CDK19: variants seen among roughly 807,000 people sequenced by gnomAD.
The protein encoded by CDK19 is cyclin-dependent kinase 19.
Under a neutral mutation model 68.3 loss-of-function variants are expected in CDK19, and 20 were observed. The observed-to-expected ratio is 0.29, with a 90% CI of 0.21 to 0.43. The LOEUF is 0.43. Among genes scored for constraint, CDK19 ranks in the 20% least tolerant of loss-of-function variants. The pLI is 1.00. For synonymous variants in CDK19, 221 were observed against 222.8 expected, an observed-to-expected ratio of 0.99 and a Z score of 0.07; for missense variants, 339 against 623.5, an observed-to-expected ratio of 0.54 and a Z score of 4.86.
intron 5 of CDK19, among the ~76,000 whole-genome samples, chr6:110,633,432 C>G (rs1389008604): frequency 6.6e-6 from 1 of 152,168 alleles, no homozygotes; most frequent in Non-Finnish European, 1.5e-5. Context: ...ACATGGAAAA[C>G]AGCAAATGCT....
intron 2 of CDK19, among the ~76,000 whole-genome samples, chr6:110,675,710 A>G (rs1771464938): frequency 6.6e-6 from 1 of 152,096 alleles, no homozygotes; most frequent in African/African-American, 2.4e-5. Flanking sequence ...CCTAGATGAC[A>G]GTGCATCTGT....
At chr6:110,802,234 A>G (rs551813566) in intron 1 of CDK19, among the ~76,000 whole-genome samples, 1 of 152,340 alleles carries the variant, frequency 6.6e-6, no homozygotes, top group Admixed American at 6.5e-5. Flanking sequence ...CTGCACTCGT[A>G]TATTTATCAT....
chr6:110,806,711 C>T (rs1007832876), intron 1 of CDK19, among the ~76,000 whole-genome samples: 2 of 152,184 alleles, frequency 1.3e-5, no homozygotes, highest in African/African-American at 4.8e-5. Context: ...AGCACTGTGG[C>T]TCACGCCTGT....
At chr6:110,741,662 G>GAA (rs535539990) in intron 2 of CDK19, among the ~76,000 whole-genome samples, 5 of 144,792 alleles carry the variant, frequency 3.5e-5, no homozygotes, top group African/African-American at 1.0e-4. Flanking sequence ...CAACAAGAGG[G>GAA]AAAAAAAAAA....
intron 1 of CDK19, among the ~76,000 whole-genome samples, chr6:110,756,981 A>G (rs1247366642): frequency 6.6e-6 from 1 of 152,196 alleles, no homozygotes; most frequent in Non-Finnish European, 1.5e-5. Context: ...CCACAGAAGT[A>G]ACTGTGATCA....
chr6:110,741,233 A>C (rs1401768670), intron 2 of CDK19, among the ~76,000 whole-genome samples: 1 of 152,052 alleles, frequency 6.6e-6, no homozygotes. Flanking sequence ...AGGCAGGAGG[A>C]TCACTTGAGC....
chr6:110,627,684 T>TA (rs1779176863), intron 6 of CDK19, among the ~76,000 whole-genome samples: 1 of 152,128 alleles, frequency 6.6e-6, no homozygotes, highest in South Asian at 2.1e-4. Flanking sequence ...GCTAATTTTT[T>TA]AAAAAATTGT....
chr6:110,655,227 A>C (rs1486434994), intron 4 of CDK19, among the ~76,000 whole-genome samples: 1 of 151,802 alleles, frequency 6.6e-6, no homozygotes, highest in Non-Finnish European at 1.5e-5. Context: ...TCAGTCGGGC[A>C]TGGTGGCACG....
intron 2 of CDK19, among the ~76,000 whole-genome samples, chr6:110,678,829 C>T (rs1771751348): frequency 1.3e-5 from 2 of 152,168 alleles, no homozygotes; most frequent in South Asian, 4.1e-4. Flanking sequence ...CAGAATAATT[C>T]TCAACTATAA....
intron 4 of CDK19, among the ~76,000 whole-genome samples, chr6:110,660,339 C>T (rs567147600): frequency 5.3e-5 from 8 of 152,154 alleles, no homozygotes; most frequent in African/African-American, 9.6e-5. Flanking sequence ...AAACTCTGTG[C>T]GGGGCCCATG....
chr6:110,621,427 T>C lies in CDK19; in HGVS notation c.1111-57A>G. ...AAACCAAATTAACAGGAGCTTTCTT[T>C]AATTATTTGATATGCACATGTGGCT... On this transcript the variant is annotated intron_variant, in intron 11 of 12. Coordinates refer to ENST00000368911, the MANE Select transcript of CDK19 (RefSeq NM_015076.5). This position sits in a 1 kb window ranked among gnomAD's most constrained non-coding sequence, Gnocchi z 5.4. The C allele has an allele frequency of 6.6e-7, 1 of 1,505,676 alleles. No homozygotes were observed. Among genetic ancestry groups the C allele is most frequent in the Non-Finnish European group, 8.9e-7 (1 of 1,125,674 alleles). The allele number at this position is 1,505,676 out of a possible 1,614,324, so 93.3% of individuals were successfully genotyped here. A position where few individuals can be genotyped will look rare whatever the true frequency, so the allele number is the denominator to read the frequency against.
chr6:110,810,988 G>T (rs902107469), intron 1 of CDK19, among the ~76,000 whole-genome samples: 4 of 151,870 alleles, frequency 2.6e-5, no homozygotes, highest in African/African-American at 7.3e-5. Flanking sequence ...TTCCTCCCAT[G>T]GTATTAGGAA....
chr6:110,745,539 A>G (rs1461549766), intron 2 of CDK19, among the ~76,000 whole-genome samples: 1 of 152,186 alleles, frequency 6.6e-6, no homozygotes, highest in East Asian at 1.9e-4. Context: ...AGAAAAATAG[A>G]CATTAATTAA....
intron 1 of CDK19, among the ~76,000 whole-genome samples, chr6:110,784,790 TGAAA>T (rs990197219): frequency 1.3e-5 from 2 of 152,170 alleles, no homozygotes; most frequent in African/African-American, 4.8e-5. Context: ...CACAGTCATC[TGAAA>T]GAATGATATA....
chr6:110,785,329 G>A (rs1053311524), intron 1 of CDK19, among the ~76,000 whole-genome samples: 8 of 152,132 alleles, frequency 5.3e-5, no homozygotes, highest in African/African-American at 1.7e-4. Flanking sequence ...AAACCCACAT[G>A]CAACTTCTGA....
chr6:110,798,667 CA>C, intron 1 of CDK19, among the ~76,000 whole-genome samples: 1 of 149,030 alleles, frequency 6.7e-6, no homozygotes, highest in Non-Finnish European at 1.5e-5. Context: ...AGAAACTTCC[CA>C]GGAACAACAA....
intron 2 of CDK19, chr6:110,722,157 G>A (rs1775949079): frequency 1.3e-5 from 2 of 152,056 alleles, no homozygotes; most frequent in South Asian, 2.1e-4. Flanking sequence ...TTCACATAAA[G>A]CAATAATTAA....
chr6:110,776,505 G>A (rs1180299258), intron 1 of CDK19, among the ~76,000 whole-genome samples: 1 of 151,986 alleles, frequency 6.6e-6, no homozygotes, highest in Non-Finnish European at 1.5e-5. Context: ...AAGGAAGCCT[G>A]AAGAAGCAAT....
intron 1 of CDK19, among the ~76,000 whole-genome samples, chr6:110,757,919 G>T (rs972226369): frequency 3.1e-4 from 47 of 152,148 alleles, no homozygotes; most frequent in Admixed American, 3.1e-3. Flanking sequence ...GGCCGAGTAT[G>T]GTGGCTCACA....
Sources: gnomAD v4.1 joint callset for allele counts (sites outside exome capture counted in the v4.1 genomes callset) on GRCh38, gnomAD v4.1.1 for gene constraint, Gnocchi (gnomAD v3.1) non-coding constraint, MANE v1.5 for transcripts, NCBI Gene and HGNC (gene_info 2026-07-23, HGNC 2026-07-21) for gene names.